Variants in CDON observed in about 807,000 individuals in gnomAD.
The protein encoded by CDON is cell adhesion molecule-related/down-regulated by oncogenes.
Under a neutral mutation model 120.9 loss-of-function variants are expected in CDON, and 73 were observed. That is an observed-to-expected ratio of 0.60 (90% CI 0.50 to 0.73). CDON has a LOEUF of 0.73. Among genes scored for constraint, CDON ranks in the 30% least tolerant of loss-of-function variants. CDON has a pLI of 0.00. For missense variants in CDON, 1,470 were observed against 1,587.3 expected, an observed-to-expected ratio of 0.93 and a Z score of 1.26; for synonymous variants, 566 against 573.5, an observed-to-expected ratio of 0.99 and a Z score of 0.19.
chr11:125,964,389 C>T (rs930718782), intron 18 of CDON, among the ~76,000 whole-genome samples: 6 of 152,148 alleles, frequency 3.9e-5, no homozygotes, highest in Admixed American at 3.3e-4. Flanking sequence ...GCAGAGAGGG[C>T]TTTTACAAAG....
chr11:126,030,796 G>A (rs1311865753), intron 1 of CDON, among the ~76,000 whole-genome samples: 1 of 152,060 alleles, frequency 6.6e-6, no homozygotes, highest in Non-Finnish European at 1.5e-5. Context: ...TTAACCCATT[G>A]GGCTACCTTG....
At chr11:126,039,783 T>A (rs1948206650) in intron 1 of CDON, among the ~76,000 whole-genome samples, 1 of 151,936 alleles carries the variant, frequency 6.6e-6, no homozygotes, top group Non-Finnish European at 1.5e-5. Flanking sequence ...TGTCTCAGAG[T>A]CCCATCCCTG....
intron 2 of CDON, among the ~76,000 whole-genome samples, chr11:126,022,680 T>G (rs1357943679): frequency 6.6e-6 from 1 of 152,118 alleles, no homozygotes; most frequent in Admixed American, 6.5e-5. Flanking sequence ...GAATCTGGGG[T>G]GGTTGTTTAG....
chr11:126,018,301 C>T (rs745310416), intron 5 of CDON, 29 bp downstream of exon 5: 1 of 1,608,746 alleles, frequency 6.2e-7, no homozygotes, highest in South Asian at 1.1e-5. Flanking sequence ...CTTCCTCTTC[C>T]AGTTACCATT....
At position 125,958,516 on chromosome 11, in the gene CDON, G is replaced by A. The variant is rs961041129; in HGVS notation, c.*2426C>T. The A allele has an allele frequency of 6.6e-6, 1 of 150,782 alleles. No homozygotes were observed. The highest frequency in any genetic ancestry group is 1.5e-5 in the Non-Finnish European group (1 of 67,872). The allele number at this position is 150,782 out of a possible 1,614,324, so 9.3% of individuals were successfully genotyped here. On this transcript the variant is annotated 3_prime_UTR_variant, in exon 20 of 20. Coordinates refer to ENST00000531738, the MANE Select transcript of CDON (RefSeq NM_001378964.1). ...AGGGCAGAGCCAACTCACGCTTAGG[G>A]AGAACTCATACCGCCTAAATATAAA...
At position 125,961,073 on chromosome 11, in the gene CDON, T is replaced by C. The variant is rs747417428; in HGVS notation, c.3664A>G (p.Asn1222Asp). 6.2e-5 allele frequency: 100 copies of C among 1,614,008 alleles called. No individual in the cohort carries two copies. Among genetic ancestry groups the C allele is most frequent in the Non-Finnish European group, 7.7e-5 (91 of 1,179,976 alleles). Residue 1222 changes from asparagine (N) to aspartate (D), a missense_variant, in exon 20 of 20, where the codon AAC becomes GAC. Asn to Asp is a conservative substitution (Grantham distance 23). Coordinates refer to ENST00000531738, the MANE Select transcript of CDON (RefSeq NM_001378964.1). ...DSCAHSETEI[N>D]IVSWNALILP... ...ATAAGAGCATTCCAACTTACAATGT[T>C]GATCTCTGTTTCTGAATGGGCACAG...
chr11:126,025,527 G>GA (rs140097746), intron 1 of CDON, among the ~76,000 whole-genome samples: 30,701 of 140,052 alleles, frequency 0.22, 3,248 homozygotes, highest in Non-Finnish European at 0.22. Flanking sequence ...GTTTGTTTGT[G>GA]GGGGGTGTGT....
intron 11 of CDON, among the ~76,000 whole-genome samples, chr11:126,001,455 G>A (rs1166075924): frequency 6.6e-6 from 1 of 152,036 alleles, no homozygotes; most frequent in Non-Finnish European, 1.5e-5. Flanking sequence ...GCCTCCCACA[G>A]TGCCTAGCCA....
At chr11:125,996,788 C>G (rs1231144760) in intron 12 of CDON, among the ~76,000 whole-genome samples, 1 of 148,324 alleles carries the variant, frequency 6.7e-6, no homozygotes, top group East Asian at 2.1e-4. Context: ...TTTTAGGTGA[C>G]TTATTCTCTT....
chr11:125,966,780 T>C (rs1385210270), intron 18 of CDON, among the ~76,000 whole-genome samples: 2 of 151,998 alleles, frequency 1.3e-5, no homozygotes, highest in Non-Finnish European at 2.9e-5. Flanking sequence ...AGATGATTTT[T>C]CAACAGAAAT....
At chr11:125,986,803 G>T (rs2134475555) in intron 15 of CDON, among the ~76,000 whole-genome samples, 1 of 151,924 alleles carries the variant, frequency 6.6e-6, no homozygotes, top group African/African-American at 2.4e-5. Flanking sequence ...CATTAACTTG[G>T]GGTTCAATTT....
chr11:126,008,908 T>C (rs1333888987), intron 8 of CDON, among the ~76,000 whole-genome samples: 1 of 152,196 alleles, frequency 6.6e-6, no homozygotes, highest in Non-Finnish European at 1.5e-5. Context: ...TAATAATAAT[T>C]AGACAGTAAC....
At chr11:126,054,998 A>G (rs1258173291) in intron 1 of CDON, among the ~76,000 whole-genome samples, 1 of 152,228 alleles carries the variant, frequency 6.6e-6, no homozygotes, top group Admixed American at 6.5e-5. Flanking sequence ...AACCCTGTAC[A>G]TCCAATTAAA....
intron 10 of CDON, 27 bp from the exon 11 acceptor site, chr11:126,001,877 T>C (rs1453577611): frequency 1.3e-6 from 2 of 1,532,022 alleles, no homozygotes; most frequent in Non-Finnish European, 1.8e-6. Flanking sequence ...ACATATACAG[T>C]AACATAAGCA....
intron 1 of CDON, among the ~76,000 whole-genome samples, chr11:126,038,313 T>G (rs1948157009): frequency 6.6e-6 from 1 of 152,096 alleles, no homozygotes. Flanking sequence ...ATGTATACAG[T>G]AGAAGAGATA....
chr11:125,980,701 C>T (rs977371562), intron 17 of CDON, among the ~76,000 whole-genome samples: 9 of 152,160 alleles, frequency 5.9e-5, no homozygotes, highest in South Asian at 2.1e-4. Context: ...TGACTCTTTT[C>T]GGCATTTGCA....
rs548698809 is a variant in CDON, at chr11:125,984,859, GA to G, written c.2774-767del. ...TAGAAGTTATAGCTTTGGACTACTA[GA>G]AAAATGACATTCCAAAACCTCACAC... On this transcript the variant is annotated intron_variant, in intron 15 of 19. Transcript: ENST00000531738. Among the ~76,000 whole-genome samples, 13 of 152,192 alleles carry G rather than the reference GA, an allele frequency of 8.5e-5. No individual in the cohort carries two copies. The East Asian group carries it at 2.5e-3, about 29-fold the overall frequency.
At chr11:125,991,660 A>G (rs935912279) in intron 14 of CDON, among the ~76,000 whole-genome samples, 1 of 152,168 alleles carries the variant, frequency 6.6e-6, no homozygotes, top group Non-Finnish European at 1.5e-5. Context: ...AAAACTTAAA[A>G]AAAAAAAACT....
intron 1 of CDON, among the ~76,000 whole-genome samples, chr11:126,025,250 TAGA>T (rs1169517813): frequency 6.6e-6 from 1 of 151,888 alleles, no homozygotes; most frequent in African/African-American, 2.4e-5. Flanking sequence ...GAAATATTTC[TAGA>T]AGAAGAGTGT....
Sources: allele counts gnomAD v4.1 joint callset (sites outside exome capture counted in the v4.1 genomes callset), GRCh38; gene constraint gnomAD v4.1.1; transcripts MANE v1.5; gene names NCBI Gene and HGNC (gene_info 2026-07-23, HGNC 2026-07-21).